The following LDLRAD3 variants were observed in gnomAD, a reference collection of about 807,000 sequenced individuals.
LDLRAD3 encodes low-density lipoprotein receptor class A domain-containing protein 3.
LDLRAD3 carries 20 observed loss-of-function variants against 29.4 expected under a neutral mutation model. The observed-to-expected ratio is 0.68, with a 90% confidence interval of 0.48 to 0.99. The LOEUF (loss-of-function observed/expected upper bound fraction) is 0.99, where lower values mean the gene tolerates loss of function less well. Ranked by LOEUF, LDLRAD3 falls within the 50% of genes least tolerant of loss-of-function variation. The pLI, the probability that LDLRAD3 is intolerant of heterozygous loss-of-function variation, is 0.00. For missense variants in LDLRAD3, 420 were observed against 454.3 expected (o/e 0.92, Z 0.69); for synonymous variants, 157 against 192.7 (o/e 0.81, Z 1.53).
intron 1 of LDLRAD3, among the ~76,000 whole-genome samples, chr11:36,011,087 G>T (rs1851949887): frequency 6.6e-6 from 1 of 152,184 alleles, no homozygotes. Flanking sequence ...TTACAGGCGT[G>T]AGCCACCGCA....
At chr11:36,077,895 GAGTCCCT>G (rs1157868755) in intron 2 of LDLRAD3, among the ~76,000 whole-genome samples, 1 of 152,202 alleles carries the variant, frequency 6.6e-6, no homozygotes, top group Admixed American at 6.5e-5. Context: ...GCCATTCAGT[GAGTCCCT>G]AGTTCTTGTC....
intron 4 of LDLRAD3, among the ~76,000 whole-genome samples, chr11:36,114,306 G>A (rs1853645290): frequency 6.6e-6 from 1 of 152,204 alleles, no homozygotes; most frequent in Non-Finnish European, 1.5e-5. Flanking sequence ...CTGCAACACT[G>A]TGCGGTGCCA....
At chr11:36,217,207 A>G (rs1454666517) in intron 4 of LDLRAD3, among the ~76,000 whole-genome samples, 2 of 151,998 alleles carry the variant, frequency 1.3e-5, no homozygotes, top group African/African-American at 2.4e-5. Flanking sequence ...TCTGTCTGTA[A>G]GTGAAGAAAT....
chr11:36,146,002 T>TAA (rs367591997), intron 4 of LDLRAD3, among the ~76,000 whole-genome samples: 34,720 of 136,924 alleles, frequency 0.25, 5,381 homozygotes, highest in African/African-American at 0.44. Context: ...GAATGATCAA[T>TAA]AAAAAAAAGA....
At chr11:36,052,309 T>G (rs1852540685) in intron 2 of LDLRAD3, among the ~76,000 whole-genome samples, 2 of 152,234 alleles carry the variant, frequency 1.3e-5, no homozygotes, top group Admixed American at 1.3e-4. Flanking sequence ...AGTTCTTTCA[T>G]GCGTATTATC....
chr11:36,150,866 A>G (rs1854269239), intron 4 of LDLRAD3, among the ~76,000 whole-genome samples: 1 of 152,200 alleles, frequency 6.6e-6, no homozygotes, highest in South Asian at 2.1e-4. Context: ...CTGCTTTTGC[A>G]GTAGCTTTCT....
intron 4 of LDLRAD3, among the ~76,000 whole-genome samples, chr11:36,155,300 T>C (rs1854331922): frequency 6.6e-6 from 1 of 152,174 alleles, no homozygotes; most frequent in Non-Finnish European, 1.5e-5. Context: ...TCTGTGGCCT[T>C]TCAGTGACAT....
At chr11:36,219,808 C>T (rs1232157890) in intron 4 of LDLRAD3, among the ~76,000 whole-genome samples, 3 of 152,036 alleles carry the variant, frequency 2.0e-5, no homozygotes, top group Admixed American at 6.6e-5. Flanking sequence ...TGTTTTGAAA[C>T]GTTTTCTTCA....
At chr11:36,100,466 G>T (rs190018815) in intron 4 of LDLRAD3, among the ~76,000 whole-genome samples, 1 of 152,190 alleles carries the variant, frequency 6.6e-6, no homozygotes, top group Non-Finnish European at 1.5e-5. Context: ...CATGGACGGA[G>T]TCTTGCTCTG....
intron 1 of LDLRAD3, among the ~76,000 whole-genome samples, chr11:35,946,339 A>G (rs780819723): frequency 2.4e-4 from 37 of 151,062 alleles, no homozygotes; most frequent in Non-Finnish European, 5.0e-4. Context: ...AAAGAATCCC[A>G]GGGTCAAGGT....
intron 1 of LDLRAD3, among the ~76,000 whole-genome samples, chr11:35,974,003 A>C (rs1334875898): frequency 6.6e-6 from 1 of 152,176 alleles, no homozygotes; most frequent in Non-Finnish European, 1.5e-5. Flanking sequence ...TAAACTGTTT[A>C]TAGCCTTTGC....
intron 2 of LDLRAD3, among the ~76,000 whole-genome samples, chr11:36,068,944 G>C (rs1445016704): frequency 3.9e-5 from 6 of 152,230 alleles, no homozygotes; most frequent in Non-Finnish European, 5.9e-5. Context: ...TTGTGGCAAA[G>C]CTGTTTCAAC....
intron 4 of LDLRAD3, among the ~76,000 whole-genome samples, chr11:36,139,253 C>T (rs943859571): frequency 6.6e-6 from 1 of 152,196 alleles, no homozygotes; most frequent in African/African-American, 2.4e-5. Context: ...AAGACCTTGC[C>T]AAATGTCCCC....
intron 4 of LDLRAD3, among the ~76,000 whole-genome samples, chr11:36,129,778 A>G (rs192322663): frequency 4.6e-5 from 7 of 152,044 alleles, no homozygotes; most frequent in East Asian, 3.9e-4. Context: ...ACTCTCCCCA[A>G]TCCACCCACC....
At chr11:36,133,659 G>A (rs1009929175) in intron 4 of LDLRAD3, among the ~76,000 whole-genome samples, 2 of 146,288 alleles carry the variant, frequency 1.4e-5, no homozygotes, top group Non-Finnish European at 3.0e-5. Context: ...TCAGCCTCCC[G>A]AGTAGCTGGG....
intron 2 of LDLRAD3, among the ~76,000 whole-genome samples, chr11:36,079,080 T>A (rs536509707): frequency 6.6e-6 from 1 of 152,316 alleles, no homozygotes; most frequent in Admixed American, 6.5e-5. Flanking sequence ...ACAGGGGACC[T>A]ACTGCCGCCA....
intron 4 of LDLRAD3, among the ~76,000 whole-genome samples, chr11:36,214,593 TC>T (rs1467172487): frequency 6.6e-6 from 1 of 152,198 alleles, no homozygotes; most frequent in African/African-American, 2.4e-5. Flanking sequence ...GGTTTTCCCT[TC>T]CCCAAAACAG....
intron 4 of LDLRAD3, among the ~76,000 whole-genome samples, chr11:36,190,419 G>A (rs2133365227): frequency 6.6e-6 from 1 of 152,300 alleles, no homozygotes; most frequent in South Asian, 2.1e-4. Context: ...AGGATTGCTT[G>A]ATCCCAGGAG....
chr11:36,144,574 G>A (rs1362691569), intron 4 of LDLRAD3, among the ~76,000 whole-genome samples: 13 of 148,686 alleles, frequency 8.7e-5, no homozygotes, highest in Non-Finnish European at 1.6e-4. Context: ...GTCTCTGCCC[G>A]GCCGCCCCGT....
Sources: allele counts gnomAD v4.1 joint callset (sites outside exome capture counted in the v4.1 genomes callset), GRCh38; gene constraint gnomAD v4.1.1; transcripts MANE v1.5; gene names NCBI Gene and HGNC (gene_info 2026-07-23, HGNC 2026-07-21).